Variants in ASB18 observed in about 807,000 individuals in gnomAD.
The protein encoded by ASB18 is ankyrin repeat and SOCS box containing 18.
ASB18 carries 33 observed loss-of-function variants against 33.4 expected under a neutral mutation model. That is an observed-to-expected ratio of 0.99 (90% CI 0.75 to 1.32). ASB18 has a LOEUF of 1.32. ASB18 is among the 40% of genes most tolerant of loss of function. ASB18 has a pLI of 0.00. For synonymous variants in ASB18, 295 were observed against 307.6 expected (o/e 0.96, Z 0.43); for missense variants, 694 against 655.5 (o/e 1.06, Z -0.64).
chr2:236,258,905 C>G (rs2060705434), intron 1 of ASB18, among the ~76,000 whole-genome samples: 1 of 152,206 alleles, frequency 6.6e-6, no homozygotes, highest in African/African-American at 2.4e-5. Flanking sequence ...CAAGTAGCAT[C>G]TTGACTTGTA....
chr2:236,246,631 C>T (rs890666680), intron 1 of ASB18, among the ~76,000 whole-genome samples: 1 of 152,084 alleles, frequency 6.6e-6, no homozygotes, highest in Non-Finnish European at 1.5e-5. Context: ...AGATCAAATG[C>T]ATTTGCATGC....
chr2:236,247,481 CT>C (rs1264539415), intron 1 of ASB18: 1 of 152,192 alleles, frequency 6.6e-6, no homozygotes, highest in African/African-American at 2.4e-5. Flanking sequence ...CTTTAGGTTT[CT>C]TTCCCAGCAG....
rs1375256656 is a variant in ASB18 at position 236,229,361 on chromosome 2, G to C, written c.596+8328C>G. On this transcript the variant is annotated intron_variant, in intron 3 of 5. Coordinates refer to ENST00000409749, the MANE Select transcript of ASB18 (RefSeq NM_212556.4). This position sits in a 1 kb window ranked among gnomAD's most constrained non-coding sequence, Gnocchi z 5.2. ...AGAGAGAGGCTGAGCAAAATGAACAGAGCATCAGTGAACTGTGGAACAATC... is the reference window on the plus strand; with the variant it reads ...AGAGAGAGGCTGAGCAAAATGAACACAGCATCAGTGAACTGTGGAACAATC... Among the ~76,000 whole-genome samples the C allele has an allele frequency of 6.6e-6, 1 of 152,166 alleles. No individual in the cohort carries two copies. Among genetic ancestry groups the C allele is most frequent in the Admixed American group, 6.5e-5 (1 of 15,272 alleles).
intron 1 of ASB18, among the ~76,000 whole-genome samples, chr2:236,254,835 A>G (rs1207989367): frequency 1.3e-5 from 2 of 152,042 alleles, no homozygotes; most frequent in Admixed American, 6.6e-5. Context: ...ATCATTCCCA[A>G]TGAGGGTGGT....
chr2:236,213,061 T>G lies in ASB18; in HGVS notation c.1101+1301A>C, dbSNP rs1351456010. On this transcript the variant is annotated intron_variant, in intron 4 of 5. Transcript: ENST00000409749. This position sits in a 1 kb window ranked among gnomAD's most constrained non-coding sequence, Gnocchi z 4.8. ...TAAGTTGATGAACTAAGCCTGCTAA[T>G]GATGGGAAACATTAAAATGTAAATT... Among the ~76,000 whole-genome samples, 1 of 152,220 alleles carries G rather than the reference T, an allele frequency of 6.6e-6. No homozygotes were observed. Among genetic ancestry groups the G allele is most frequent in the Non-Finnish European group, 1.5e-5 (1 of 68,038 alleles).
rs1294330399 is a variant in ASB18 at position 236,219,427 on chromosome 2, A to T, written c.597-4561T>A. On this transcript the variant is annotated intron_variant, in intron 3 of 5. Coordinates refer to ENST00000409749, the MANE Select transcript of ASB18 (RefSeq NM_212556.4). This position sits in a 1 kb window ranked among gnomAD's most constrained non-coding sequence, Gnocchi z 6.4. The stretch of plus-strand genomic sequence containing the variant: ...CCAGAATACGCTTGAAATTTCCATC[A>T]ATCTGTTTAGGTATAAGCAGCATTT... Among the ~76,000 whole-genome samples the T allele has an allele frequency of 6.6e-6, 1 of 152,156 alleles. No individual in the cohort carries two copies. Among genetic ancestry groups the T allele is most frequent in the African/African-American group, 2.4e-5 (1 of 41,438 alleles).
Position 236,260,445 on chromosome 2 carries a change from G to C in ASB18, c.205+3696C>G, listed in dbSNP as rs1377276868. ...TTTCAAGGTCATTGCCATAAGTTTT[G>C]ACCACTGTTCAAAAATTGTAAAGAC... On this transcript the variant is annotated intron_variant, in intron 1 of 5. Transcript: ENST00000409749. This position sits in a 1 kb window ranked among gnomAD's most constrained non-coding sequence, Gnocchi z 5.1. Among the ~76,000 whole-genome samples, 1 of 152,086 alleles carries C rather than the reference G, an allele frequency of 6.6e-6. No homozygotes were observed. Among genetic ancestry groups the C allele is most frequent in the African/African-American group, 2.4e-5 (1 of 41,390 alleles).
Position 236,213,978 on chromosome 2 carries a change from G to T in ASB18, c.1101+384C>A, listed in dbSNP as rs1174638476. 9.9e-6 allele frequency: 2 copies of T among 202,740 alleles called. No homozygotes were observed. Among genetic ancestry groups the T allele is most frequent in the Non-Finnish European group, 2.0e-5 (2 of 101,020 alleles). The allele number at this position is 202,740 out of a possible 1,614,324, so 12.6% of individuals were successfully genotyped here. On this transcript the variant is annotated intron_variant, in intron 4 of 5. Coordinates refer to ENST00000409749, the MANE Select transcript of ASB18 (RefSeq NM_212556.4). The surrounding 1 kb of genome is among the most constrained non-coding windows in gnomAD (Gnocchi z 4.8). ...TTTTCATCGTTCTGAAAATGACACT[G>T]ATGATGAGCTGCCAAAATATTTTGA... is the stretch of plus-strand genomic sequence containing the variant.
At chr2:236,199,145 C>CTCA (rs2060387305) in intron 4 of ASB18, among the ~76,000 whole-genome samples, 1 of 152,158 alleles carries the variant, frequency 6.6e-6, no homozygotes, top group Non-Finnish European at 1.5e-5. Flanking sequence ...GAAGTGGTGG[C>CTCA]TCATGCCTGT....
At position 236,237,723 on chromosome 2, in the gene ASB18, G is replaced by A; in HGVS notation, c.562C>T (p.Pro188Ser). 2.1e-6 allele frequency: 3 copies of A among 1,460,798 alleles called. No homozygotes were observed. The highest frequency in any genetic ancestry group is 2.6e-5 in the South Asian group (2 of 77,084). The allele number at this position is 1,460,798 out of a possible 1,614,324, so 90.5% of individuals were successfully genotyped here. ...PDLLSAEGLA[P>S]LHLCRTAASL... ...GCGGCCGTGCGGCAGAGGTGCAGAG[G>A]CGCCAGGCCCTCGGCGCTGAGCAGG... is the stretch of plus-strand genomic sequence containing the variant. Residue 188 changes from proline (P) to serine (S), a missense_variant, in exon 3 of 6, where the codon CCT (proline) becomes TCT (serine). Pro to Ser is a moderately conservative substitution (Grantham distance 74). Coordinates refer to ENST00000409749, the MANE Select transcript of ASB18 (RefSeq NM_212556.4). The surrounding 1 kb of genome is among the most constrained non-coding windows in gnomAD (Gnocchi z 6.2).
chr2:236,261,827 A>T (rs2060720130), intron 1 of ASB18, among the ~76,000 whole-genome samples: 1 of 152,224 alleles, frequency 6.6e-6, no homozygotes, highest in Non-Finnish European at 1.5e-5. Context: ...CACGTTTTAC[A>T]TGGTGGCAGG....
rs969147112 is a variant in ASB18, at chr2:236,216,909, G to A, written c.597-2043C>T. Among the ~76,000 whole-genome samples the A allele has an allele frequency of 2.6e-5, 4 of 152,066 alleles. No individual in the cohort carries two copies. Among genetic ancestry groups the A allele is most frequent in the Admixed American group, 2.0e-4 (3 of 15,266 alleles). On this transcript the variant is annotated intron_variant, in intron 3 of 5. Transcript: ENST00000409749. This position sits in a 1 kb window ranked among gnomAD's most constrained non-coding sequence, Gnocchi z 6.1. The stretch of plus-strand genomic sequence containing the variant: ...CTTCAATTCTGCCTGACCAGGTATG[G>A]TGCTGAGAGCACACTCTGCCGTGCC...
At position 236,260,237 on chromosome 2, in the gene ASB18, C is replaced by A. The variant is rs2060711762; in HGVS notation, c.205+3904G>T. Among the ~76,000 whole-genome samples, 1 of 152,112 alleles carries A rather than the reference C, an allele frequency of 6.6e-6. No homozygotes were observed. The highest frequency in any genetic ancestry group is 6.5e-5 in the Admixed American group (1 of 15,270). ...ATAGAAACCTCTTCCCTCTTCTTTCCCCCAGGTACTTTTGCCAACATGACC... is the reference window on the plus strand; with the variant it reads ...ATAGAAACCTCTTCCCTCTTCTTTCACCCAGGTACTTTTGCCAACATGACC... On this transcript the variant is annotated intron_variant, in intron 1 of 5. Transcript: ENST00000409749. The surrounding 1 kb of genome is among the most constrained non-coding windows in gnomAD (Gnocchi z 5.1).
rs1209337602 is a variant in ASB18 at position 236,205,011 on chromosome 2, C to A, written c.1102-8626G>T. On this transcript the variant is annotated intron_variant, in intron 4 of 5. Coordinates refer to ENST00000409749, the MANE Select transcript of ASB18 (RefSeq NM_212556.4). This position sits in a 1 kb window ranked among gnomAD's most constrained non-coding sequence, Gnocchi z 5.4. Reference sequence around the variant, plus strand: ...TCCAGGGTCAGATCGCCTCCCTTGTCCACACCACCATCACCCCTCCTGTGA... The same window carrying A: ...TCCAGGGTCAGATCGCCTCCCTTGTACACACCACCATCACCCCTCCTGTGA... Among the ~76,000 whole-genome samples the A allele has an allele frequency of 6.6e-6, 1 of 152,204 alleles. No homozygotes were observed. Among genetic ancestry groups the A allele is most frequent in the Non-Finnish European group, 1.5e-5 (1 of 68,038 alleles).
In ASB18 at chr2:236,231,747, G is replaced by T. The variant is rs943128859; in HGVS notation, c.596+5942C>A. Among the ~76,000 whole-genome samples, 5 of 152,126 alleles carry T rather than the reference G, an allele frequency of 3.3e-5. No homozygotes were observed. Among genetic ancestry groups the T allele is most frequent in the African/African-American group, 7.2e-5 (3 of 41,426 alleles). On this transcript the variant is annotated intron_variant, in intron 3 of 5. Transcript: ENST00000409749. This position sits in a 1 kb window ranked among gnomAD's most constrained non-coding sequence, Gnocchi z 5.5. ...TCCACTGCACCTGGCCTAGACCAAA[G>T]AATATTACTAAAGATAAATAATTTC...
rs910872835 is a variant in ASB18 at position 236,215,927 on chromosome 2, G to A, written c.597-1061C>T. Among the ~76,000 whole-genome samples, 1 of 152,126 alleles carries A rather than the reference G, an allele frequency of 6.6e-6. No homozygotes were observed. The highest frequency in any genetic ancestry group is 6.5e-5 in the Admixed American group (1 of 15,278). On this transcript the variant is annotated intron_variant, in intron 3 of 5. Coordinates refer to ENST00000409749, the MANE Select transcript of ASB18 (RefSeq NM_212556.4). The surrounding 1 kb of genome is among the most constrained non-coding windows in gnomAD (Gnocchi z 7.2). Reference sequence around the variant, plus strand: ...TCCCCAATGCCTGTTGGTCCTACTTGCCATCTTTGCTCTATGGAGACCTGA... The same window carrying A: ...TCCCCAATGCCTGTTGGTCCTACTTACCATCTTTGCTCTATGGAGACCTGA...
intron 1 of ASB18, chr2:236,254,099 C>T (rs1306823916): frequency 6.6e-6 from 1 of 152,058 alleles, no homozygotes; most frequent in Non-Finnish European, 1.5e-5. Context: ...GGCAACTGCC[C>T]AATTCTGCCA....
In ASB18 at chr2:236,214,739, C is replaced by G; in HGVS notation, c.724G>C (p.Gly242Arg). ...DEHARLYLGR[G>R]AHVDARNGRG... ...CCGTTCCTCGCGTCCACGTGCGCCC[C>G]GCGGCCCAGGTACAGGCGCGCGTGC... is the stretch of plus-strand genomic sequence containing the variant. The change falls in exon 4 of 6, where the codon GGG (glycine) becomes CGG (arginine). Residue 242 changes from glycine (G) to arginine (R), a missense_variant. Physicochemically the swap from Gly to Arg is moderately radical, Grantham distance 125 (BLOSUM62 -2). Coordinates refer to ENST00000409749, the MANE Select transcript of ASB18 (RefSeq NM_212556.4). This position sits in a 1 kb window ranked among gnomAD's most constrained non-coding sequence, Gnocchi z 6.5. 2 of 1,167,074 alleles carry G rather than the reference C, an allele frequency of 1.7e-6. No individual in the cohort carries two copies. Among genetic ancestry groups the G allele is most frequent in the Non-Finnish European group, 2.1e-6 (2 of 947,252 alleles). 72.3% of individuals were successfully genotyped at this position (1,167,074 alleles called of 1,614,324 possible).
Position 236,207,392 on chromosome 2 carries a change from C to T in ASB18, c.1101+6970G>A, listed in dbSNP as rs369917297. Among the ~76,000 whole-genome samples the T allele has an allele frequency of 1.1e-4, 17 of 152,362 alleles. No homozygotes were observed. The South Asian group carries it at 3.5e-3, about 32-fold the overall frequency. ...ACCAGTACTGTTTCGATGAATCCCACAAGCTATGTCTTCTTGTACTCCATA... is the reference window on the plus strand; with the variant it reads ...ACCAGTACTGTTTCGATGAATCCCATAAGCTATGTCTTCTTGTACTCCATA... On this transcript the variant is annotated intron_variant, in intron 4 of 5. Coordinates refer to ENST00000409749, the MANE Select transcript of ASB18 (RefSeq NM_212556.4).
Sources: gnomAD v4.1 joint callset for allele counts (sites outside exome capture counted in the v4.1 genomes callset) on GRCh38, gnomAD v4.1.1 for gene constraint, Gnocchi (gnomAD v3.1) non-coding constraint, MANE v1.5 for transcripts, NCBI Gene and HGNC (gene_info 2026-07-23, HGNC 2026-07-21) for gene names.